Variants in LRRFIP2 observed in about 807,000 individuals in gnomAD.
LRRFIP2 encodes the protein LRR binding FLII interacting protein 2.
Under a neutral mutation model 125.9 loss-of-function variants are expected in LRRFIP2, and 109 were observed. The observed-to-expected ratio is 0.87, with a 90% CI of 0.74 to 1.01. LRRFIP2 has a LOEUF of 1.01. LRRFIP2 is among the 50% of genes least tolerant of loss of function. The pLI, the probability that LRRFIP2 is intolerant of heterozygous loss-of-function variation, is 0.00. For synonymous variants in LRRFIP2, 291 were observed against 293.1 expected (o/e 0.99, Z 0.07); for missense variants, 850 against 862.3 (o/e 0.99, Z 0.18).
Position 37,053,815 on chromosome 3 carries a change from C to T in LRRFIP2, c.*36G>A, listed in dbSNP as rs1442564825. 2.1e-6 allele frequency: 3 copies of T among 1,409,388 alleles called. No individual in the cohort carries two copies. In the African/African-American group the frequency reaches 4.2e-5, roughly 20 times the overall value. The allele number at this position is 1,409,388 out of a possible 1,614,324, so 87.3% of individuals were successfully genotyped here. Reference sequence around the variant, plus strand: ...AAAAGTCAGTCCCTCTAGGTAGGGCCCCAAGGAGCATCACCCAGGTTGAAG... The same window carrying T: ...AAAAGTCAGTCCCTCTAGGTAGGGCTCCAAGGAGCATCACCCAGGTTGAAG... On this transcript the variant is annotated 3_prime_UTR_variant, in exon 28 of 28. Coordinates refer to ENST00000336686, the MANE Select transcript of LRRFIP2 (RefSeq NM_006309.4).
chr3:37,142,515 T>C (rs1287433940), intron 2 of LRRFIP2, among the ~76,000 whole-genome samples: 5 of 152,170 alleles, frequency 3.3e-5, no homozygotes, highest in Non-Finnish European at 7.4e-5. Flanking sequence ...AATAAAGCAT[T>C]ACATTGTAAA....
chr3:37,113,656 G>C (rs1397521500), intron 7 of LRRFIP2, among the ~76,000 whole-genome samples: 1 of 152,030 alleles, frequency 6.6e-6, no homozygotes, highest in African/African-American at 2.4e-5. Flanking sequence ...CTTACCTAAA[G>C]GTCAAAAAGC....
chr3:37,059,287 G>A (rs1423223486), intron 24 of LRRFIP2, among the ~76,000 whole-genome samples: 1 of 151,992 alleles, frequency 6.6e-6, no homozygotes, highest in African/African-American at 2.4e-5. Context: ...TGAGGCATGA[G>A]GATCACATGA....
At chr3:37,134,657 T>C (rs1022088712) in intron 2 of LRRFIP2, 3 of 647,180 alleles carry the variant, frequency 4.6e-6, no homozygotes, top group Non-Finnish European at 8.9e-6. Context: ...AAGCACATAC[T>C]ATGGCACTAA....
At chr3:37,170,205 A>C (rs1437031700) in intron 1 of LRRFIP2, 1 of 152,210 alleles carries the variant, frequency 6.6e-6, no homozygotes, top group Non-Finnish European at 1.5e-5. Context: ...GGGGAGGTCC[A>C]TCTGCAGGCT....
intron 19 of LRRFIP2, among the ~76,000 whole-genome samples, chr3:37,080,829 T>G (rs1273206706): frequency 6.6e-6 from 1 of 152,210 alleles, no homozygotes; most frequent in African/African-American, 2.4e-5. Flanking sequence ...CAACTCATTC[T>G]AAGGTGTGAA....
intron 2 of LRRFIP2, among the ~76,000 whole-genome samples, chr3:37,146,064 T>TA (rs1002250775): frequency 1.7e-4 from 25 of 149,320 alleles, no homozygotes; most frequent in African/African-American, 3.2e-4. Context: ...AGCATCACAT[T>TA]AAAAAAAAAA....
rs150706605 is a variant in LRRFIP2, at chr3:37,102,928, G to A, written c.869C>T (p.Ser290Phe). ...CACCCCATGCAATACACTCACGCTGGACAAATCTGGGATACTGATATCATC... is the reference window on the plus strand; with the variant it reads ...CACCCCATGCAATACACTCACGCTGAACAAATCTGGGATACTGATATCATC... ...EVDDISIPDLSSLDEKSDKQY... is the reference protein window; with the variant it reads ...EVDDISIPDLFSLDEKSDKQY... The change falls in exon 15 of 28, where the codon TCC (serine) becomes TTC (phenylalanine). Residue 290 changes from serine to phenylalanine, a missense_variant. By Grantham distance (155) the Ser-to-Phe change is radical. Transcript: ENST00000336686. 46 of 1,557,022 alleles carry A rather than the reference G, an allele frequency of 3.0e-5. No homozygotes were observed. The highest frequency in any genetic ancestry group is 3.7e-5 in the Non-Finnish European group (43 of 1,148,776).
chr3:37,146,037 T>C (rs760274292), intron 2 of LRRFIP2, among the ~76,000 whole-genome samples: 2 of 152,280 alleles, frequency 1.3e-5, no homozygotes, highest in South Asian at 4.1e-4. Context: ...TAGAATCCTA[T>C]ACAATTTTTT....
chr3:37,054,789 A>G (rs1382731764), intron 26 of LRRFIP2, among the ~76,000 whole-genome samples: 2 of 152,248 alleles, frequency 1.3e-5, no homozygotes, highest in African/African-American at 2.4e-5. Context: ...CAATATAGGA[A>G]GAGACACTAA....
chr3:37,129,739 T>C (rs1018703637), intron 2 of LRRFIP2, among the ~76,000 whole-genome samples: 4 of 152,176 alleles, frequency 2.6e-5, no homozygotes, highest in Non-Finnish European at 5.9e-5. Context: ...AGGCCTGTAA[T>C]CCCAGCACTT....
chr3:37,094,641 A>G (rs924009114), intron 17 of LRRFIP2, 151 bp downstream of exon 17: 1 of 511,186 alleles, frequency 2.0e-6, no homozygotes, highest in African/African-American at 1.9e-5. Flanking sequence ...CAAGCTCTGA[A>G]ACACTTGAGT....
chr3:37,053,797 A>T lies in LRRFIP2; in HGVS notation c.*54T>A. 1 of 1,184,216 alleles carries T rather than the reference A, an allele frequency of 8.4e-7. No individual in the cohort carries two copies. Among genetic ancestry groups the T allele is most frequent in the East Asian group, 2.3e-5 (1 of 42,892 alleles). 73.4% of individuals were successfully genotyped at this position (1,184,216 alleles called of 1,614,324 possible). ...GGGTTTGTGTCAATGGACAAAAGTC[A>T]GTCCCTCTAGGTAGGGCCCCAAGGA... On this transcript the variant is annotated 3_prime_UTR_variant, in exon 28 of 28. Transcript: ENST00000336686.
At chr3:37,173,196 T>TAA (rs1237501005) in intron 1 of LRRFIP2, among the ~76,000 whole-genome samples, 2 of 142,794 alleles carry the variant, frequency 1.4e-5, no homozygotes, top group Non-Finnish European at 1.5e-5. Flanking sequence ...AGACTCCACC[T>TAA]AAAAAAAAAA....
At chr3:37,158,575 C>A (rs1158500344) in intron 1 of LRRFIP2, among the ~76,000 whole-genome samples, 1 of 150,746 alleles carries the variant, frequency 6.6e-6, no homozygotes, top group Non-Finnish European at 1.5e-5. Context: ...TCACTGCACT[C>A]CAGCCTGGGT....
chr3:37,105,489 G>C lies in LRRFIP2; in HGVS notation c.749C>G (p.Ser250Cys), dbSNP rs926429001. The change falls in exon 14 of 28, where the codon TCT becomes TGT. Residue 250 changes from serine (S) to cysteine (C), a missense_variant. Ser to Cys is a moderately radical substitution (Grantham distance 112). Coordinates refer to ENST00000336686, the MANE Select transcript of LRRFIP2 (RefSeq NM_006309.4). Reference protein sequence around the residue: ...TNDDTASIVSSDRASRGRRES... With the variant: ...TNDDTASIVSCDRASRGRRES... ...CCTTCGTCCACGACTGGCACGATCAGAAGACACAATGCTTGCAGTGTCATC... is the reference window on the plus strand; with the variant it reads ...CCTTCGTCCACGACTGGCACGATCACAAGACACAATGCTTGCAGTGTCATC... The C allele has an allele frequency of 3.7e-6, 6 of 1,613,772 alleles. No individual in the cohort carries two copies. In the Admixed American group the frequency reaches 1.0e-4, roughly 27 times the overall value.
At chr3:37,059,700 T>G (rs2087956451) in intron 24 of LRRFIP2, among the ~76,000 whole-genome samples, 1 of 151,882 alleles carries the variant, frequency 6.6e-6, no homozygotes, top group African/African-American at 2.4e-5. Flanking sequence ...GGCAGGAGAA[T>G]CATTTGAACC....
Position 37,127,617 on chromosome 3 carries a change from A to G in LRRFIP2, c.228+13T>C. The G allele has an allele frequency of 6.2e-7, 1 of 1,613,098 alleles. No homozygotes were observed. The highest frequency in any genetic ancestry group is 8.5e-7 in the Non-Finnish European group (1 of 1,179,094). ...ATTGATCACAACATGCAGGACAGGC[A>G]ATACTGGCCTACCAGCCACTTCTGA... On this transcript the variant is annotated intron_variant, in intron 4 of 27. Transcript: ENST00000336686.
chr3:37,061,064 G>C lies in LRRFIP2; in HGVS notation c.1750-2154C>G, dbSNP rs187086667. ...TTCCCTTGGTGATGAGTGAGTTCTC[G>C]CTCTGGTAGTTCACACAAGATCTGG... On this transcript the variant is annotated intron_variant, in intron 24 of 27. Transcript: ENST00000336686. Among the ~76,000 whole-genome samples the C allele has an allele frequency of 4.6e-4, 70 of 152,232 alleles. No individual in the cohort carries two copies. In the Middle Eastern group the frequency reaches 0.014, roughly 30 times the overall value.
Sources: gnomAD v4.1 joint callset for allele counts (sites outside exome capture counted in the v4.1 genomes callset) on GRCh38, gnomAD v4.1.1 for gene constraint, MANE v1.5 for transcripts, NCBI Gene and HGNC (gene_info 2026-07-23, HGNC 2026-07-21) for gene names.